The following ARHGAP32 variants were observed in gnomAD, a reference collection of about 807,000 sequenced individuals.
ARHGAP32 encodes the protein rho GTPase-activating protein 32.
A neutral mutation model predicts 186.5 loss-of-function variants in ARHGAP32; 51 were observed. The observed-to-expected ratio is 0.27, with a 90% CI of 0.22 to 0.35. The LOEUF (loss-of-function observed/expected upper bound fraction) is 0.35, where lower values mean the gene tolerates loss of function less well. Among genes scored for constraint, ARHGAP32 ranks in the 10% least tolerant of loss-of-function variants. The pLI is 1.00. For synonymous variants in ARHGAP32, 950 were observed against 964.3 expected (o/e 0.99, Z 0.27); for missense variants, 2,186 against 2,623.5 (o/e 0.83, Z 3.64).
chr11:129,200,510 C>CAT (rs1944444689), intron 1 of ARHGAP32, among the ~76,000 whole-genome samples: 2 of 152,160 alleles, frequency 1.3e-5, no homozygotes, highest in Non-Finnish European at 2.9e-5. Context: ...CTCTTGTCTG[C>CAT]TCCCACATAA....
At chr11:129,067,249 T>C (rs985641072) in intron 6 of ARHGAP32, among the ~76,000 whole-genome samples, 7 of 152,086 alleles carry the variant, frequency 4.6e-5, no homozygotes, top group Non-Finnish European at 8.8e-5. Flanking sequence ...GGTTTTGATT[T>C]GTTACTACCA....
chr11:129,197,292 G>A (rs1394390122), upstream of ARHGAP32, among the ~76,000 whole-genome samples: 1 of 152,084 alleles, frequency 6.6e-6, no homozygotes, highest in Non-Finnish European at 1.5e-5. Context: ...ATGGCTGAAT[G>A]CAGTATACAT....
chr11:129,257,721 A>AAAAC (rs1555118503), intron 1 of ARHGAP32, among the ~76,000 whole-genome samples: 2 of 146,654 alleles, frequency 1.4e-5, no homozygotes, highest in Admixed American at 6.8e-5. Context: ...AAAAAAAAAA[A>AAAAC]CAGAACTTCT....
upstream of ARHGAP32, among the ~76,000 whole-genome samples, chr11:129,193,689 T>A (rs7109732): frequency 0.018 from 443 of 24,398 alleles, 7 homozygotes; most frequent in Admixed American, 0.069. Context: ...ATAATATATA[T>A]TATATAATAT....
In ARHGAP32 at chr11:128,965,241, A is replaced by G. The variant is rs1194489391; in HGVS notation, c.*3666T>C. On this transcript the variant is annotated 3_prime_UTR_variant, in exon 23 of 23. Transcript: ENST00000682385. ...ACCCAAACCCACAACTCAGCTTCAAATAAGTTTGCAAGAAATGAGACTCTA... is the reference window on the plus strand; with the variant it reads ...ACCCAAACCCACAACTCAGCTTCAAGTAAGTTTGCAAGAAATGAGACTCTA... 1 of 151,922 alleles carries G rather than the reference A, an allele frequency of 6.6e-6. No homozygotes were observed. 9.4% of individuals were successfully genotyped at this position (151,922 alleles called of 1,614,324 possible). A position where few individuals can be genotyped will look rare whatever the true frequency, so the allele number is the denominator to read the frequency against.
intron 1 of ARHGAP32, among the ~76,000 whole-genome samples, chr11:129,241,913 A>G (rs2135668155): frequency 6.6e-6 from 1 of 152,348 alleles, no homozygotes; most frequent in South Asian, 2.1e-4. Context: ...CAATAAAAAC[A>G]TAGTATTTAC....
At chr11:129,115,892 A>G (rs1942354407) in intron 5 of ARHGAP32, among the ~76,000 whole-genome samples, 1 of 152,070 alleles carries the variant, frequency 6.6e-6, no homozygotes, top group Non-Finnish European at 1.5e-5. Flanking sequence ...ATCTCGAGAA[A>G]GGAGAATGGG....
intron 1 of ARHGAP32, among the ~76,000 whole-genome samples, chr11:129,247,057 T>C (rs1383052834): frequency 6.6e-6 from 1 of 152,186 alleles, no homozygotes; most frequent in Non-Finnish European, 1.5e-5. Flanking sequence ...TACACTGACA[T>C]AGTAGCAAGT....
intron 2 of ARHGAP32, among the ~76,000 whole-genome samples, chr11:129,148,250 C>T (rs1943212486): frequency 6.6e-6 from 1 of 152,098 alleles, no homozygotes; most frequent in Non-Finnish European, 1.5e-5. Context: ...AAGCAGCATG[C>T]CACTGCAAAT....
intron 1 of ARHGAP32, among the ~76,000 whole-genome samples, chr11:129,240,932 T>A (rs1442293575): frequency 3.9e-5 from 6 of 152,162 alleles, no homozygotes; most frequent in Admixed American, 3.9e-4. Flanking sequence ...AATCTGGGAA[T>A]CCAAAAGAGA....
At chr11:129,244,031 C>T (rs1044424086) in intron 1 of ARHGAP32, among the ~76,000 whole-genome samples, 1 of 152,272 alleles carries the variant, frequency 6.6e-6, no homozygotes, top group South Asian at 2.1e-4. Context: ...ATGCCTGGCA[C>T]AACAGAAAAT....
chr11:129,120,944 C>T lies in ARHGAP32; in HGVS notation c.444+2502G>A, dbSNP rs181462388. Among the ~76,000 whole-genome samples the T allele has an allele frequency of 5.3e-3, 800 of 152,190 alleles. 2 individuals carry two copies. Among genetic ancestry groups the T allele is most frequent in the African/African-American group, 0.019 (770 of 41,538 alleles). On this transcript the variant is annotated intron_variant, in intron 5 of 22. Coordinates refer to ENST00000682385, the MANE Select transcript of ARHGAP32 (RefSeq NM_001378024.1). ...CATACAACTGATGATCTATTATTGA[C>T]ACATTTTACTAAGTTTTCTTACTTG...
intron 1 of ARHGAP32, among the ~76,000 whole-genome samples, chr11:129,273,024 G>A (rs1239996375): frequency 6.6e-6 from 1 of 152,158 alleles, no homozygotes; most frequent in African/African-American, 2.4e-5. Context: ...AAGACAGAAT[G>A]ACCAAATTTC....
intron 1 of ARHGAP32, among the ~76,000 whole-genome samples, chr11:129,179,309 G>A (rs979234637): frequency 6.6e-6 from 1 of 152,212 alleles, no homozygotes; most frequent in African/African-American, 2.4e-5. Context: ...TGCTGGAGAG[G>A]ATGTGGACAA....
intron 2 of ARHGAP32, among the ~76,000 whole-genome samples, chr11:129,134,227 G>A (rs749215029): frequency 3.3e-5 from 5 of 151,520 alleles, no homozygotes; most frequent in African/African-American, 4.9e-5. Flanking sequence ...AAAAGAGAGC[G>A]AGAACATCCT....
At chr11:129,124,040 C>T (rs1018004211) in intron 3 of ARHGAP32, 111 bp from the exon 4 acceptor site, 4 of 615,736 alleles carry the variant, frequency 6.5e-6, no homozygotes, top group African/African-American at 2.0e-5. Context: ...AAACTGATTA[C>T]TTTCAGGTAC....
At chr11:129,265,796 T>C (rs757663663) in intron 1 of ARHGAP32, among the ~76,000 whole-genome samples, 2 of 152,206 alleles carry the variant, frequency 1.3e-5, no homozygotes, top group Non-Finnish European at 2.9e-5. Flanking sequence ...CACTTTCCTG[T>C]CTTATGTAAT....
intron 1 of ARHGAP32, among the ~76,000 whole-genome samples, chr11:129,265,436 G>A (rs902538082): frequency 6.6e-6 from 1 of 152,164 alleles, no homozygotes; most frequent in Admixed American, 6.5e-5. Flanking sequence ...GAATATAAAT[G>A]TGGAAAACAT....
intron 1 of ARHGAP32, among the ~76,000 whole-genome samples, chr11:129,257,801 C>A (rs1228054196): frequency 6.6e-6 from 1 of 151,718 alleles, no homozygotes; most frequent in East Asian, 1.9e-4. Context: ...CTCAGTCTAC[C>A]CCTTCTGACC....
Sources: allele counts gnomAD v4.1 joint callset (sites outside exome capture counted in the v4.1 genomes callset), GRCh38; gene constraint gnomAD v4.1.1; transcripts MANE v1.5; gene names NCBI Gene and HGNC (gene_info 2026-07-23, HGNC 2026-07-21).